PPFIA2: variants seen among roughly 807,000 people sequenced by gnomAD.
PPFIA2 encodes the protein liprin-alpha-2.
In PPFIA2, 46 loss-of-function variants were observed where a neutral mutation model predicts 175.5. The observed-to-expected ratio is 0.26, with a 90% CI of 0.21 to 0.34. PPFIA2 has a LOEUF of 0.34. PPFIA2 is among the 10% of genes least tolerant of loss of function. The pLI is 1.00. For synonymous variants in PPFIA2, 568 were observed against 511.4 expected (o/e 1.11, Z -1.49); for missense variants, 1,179 against 1,506.1 (o/e 0.78, Z 3.60).
In PPFIA2 at chr12:81,694,617, G is replaced by A. The variant is rs370942139; in HGVS notation, c.250-17773C>T. Among the ~76,000 whole-genome samples the A allele has an allele frequency of 7.9e-5, 12 of 152,290 alleles. No individual in the cohort carries two copies. The East Asian group carries it at 1.2e-3, about 15-fold the overall frequency. On this transcript the variant is annotated intron_variant, in intron 3 of 32. Coordinates refer to ENST00000549396, the MANE Select transcript of PPFIA2 (RefSeq NM_003625.5). Reference sequence around the variant, plus strand: ...GCTGCAGGGGCAGAGTCCCCACAGAGAGCCTCTCCTAGGGAAGCTCCAATG... The same window carrying A: ...GCTGCAGGGGCAGAGTCCCCACAGAAAGCCTCTCCTAGGGAAGCTCCAATG...
chr12:81,555,929 G>A (rs2068775137), intron 4 of PPFIA2, among the ~76,000 whole-genome samples: 2 of 151,866 alleles, frequency 1.3e-5, no homozygotes, highest in South Asian at 4.1e-4. Context: ...CGCCCATCAG[G>A]ATAATTCAGA....
intron 4 of PPFIA2, among the ~76,000 whole-genome samples, chr12:81,510,096 C>A (rs2061610151): frequency 6.6e-6 from 1 of 151,986 alleles, no homozygotes. Context: ...AATTGTATTT[C>A]AGAATCCAAA....
chr12:81,745,010 C>G (rs953191781), intron 3 of PPFIA2, among the ~76,000 whole-genome samples: 1 of 152,122 alleles, frequency 6.6e-6, no homozygotes, highest in Admixed American at 6.6e-5. Context: ...ATACCTCTAC[C>G]CAGTTTAATG....
chr12:81,587,305 A>C (rs141492445), intron 4 of PPFIA2, among the ~76,000 whole-genome samples: 18 of 151,890 alleles, frequency 1.2e-4, no homozygotes, highest in African/African-American at 3.6e-4. Context: ...ATGAGATCTG[A>C]TGGTTTTATA....
chr12:81,568,033 A>G (rs1048559010), intron 4 of PPFIA2, among the ~76,000 whole-genome samples: 1 of 152,216 alleles, frequency 6.6e-6, no homozygotes, highest in African/African-American at 2.4e-5. Flanking sequence ...CATTGCAGTA[A>G]TCATGTTCCT....
chr12:81,446,543 T>C (rs2051303649), intron 5 of PPFIA2, among the ~76,000 whole-genome samples: 1 of 152,210 alleles, frequency 6.6e-6, no homozygotes, highest in South Asian at 2.1e-4. Context: ...CAGAAATTGC[T>C]TGATTATTTT....
intron 4 of PPFIA2, among the ~76,000 whole-genome samples, chr12:81,672,034 CTG>C (rs1389776945): frequency 6.6e-6 from 1 of 151,788 alleles, no homozygotes; most frequent in Non-Finnish European, 1.5e-5. Context: ...AAATGAGTAA[CTG>C]TGTATTGATT....
rs372339925 is a variant in PPFIA2, at chr12:81,325,759, A to G, written c.2642+18T>C. 3 of 1,582,950 alleles carry G rather than the reference A, an allele frequency of 1.9e-6. No homozygotes were observed. Among genetic ancestry groups the G allele is most frequent in the African/African-American group, 2.7e-5 (2 of 74,246 alleles). ...ATTGATAAAAGTTAGAAAAAGAGGG[A>G]AAAATCCCCAAACCTACTTTTTCTT... On this transcript the variant is annotated intron_variant, in intron 22 of 32. Coordinates refer to ENST00000549396, the MANE Select transcript of PPFIA2 (RefSeq NM_003625.5).
At chr12:81,708,210 G>GA (rs917604321) in intron 3 of PPFIA2, among the ~76,000 whole-genome samples, 2 of 149,842 alleles carry the variant, frequency 1.3e-5, no homozygotes, top group Non-Finnish European at 3.0e-5. Context: ...TAACAAAATA[G>GA]AAAAAAAAAG....
At chr12:81,602,334 G>C (rs1337308061) in intron 4 of PPFIA2, among the ~76,000 whole-genome samples, 2 of 151,668 alleles carry the variant, frequency 1.3e-5, no homozygotes, top group Non-Finnish European at 2.9e-5. Flanking sequence ...ACTAGCTTAT[G>C]TTTCAATTCA....
intron 3 of PPFIA2, among the ~76,000 whole-genome samples, chr12:81,719,667 A>G (rs1474276000): frequency 6.6e-6 from 1 of 151,576 alleles, no homozygotes; most frequent in Admixed American, 6.6e-5. Flanking sequence ...TATAATTAAA[A>G]CAGCATTGAA....
chr12:81,491,280 T>C (rs2059391013), intron 4 of PPFIA2, among the ~76,000 whole-genome samples: 1 of 151,966 alleles, frequency 6.6e-6, no homozygotes, highest in African/African-American at 2.4e-5. Flanking sequence ...TCAAACCTTC[T>C]TATATTTAAT....
At chr12:81,721,076 T>TAA (rs529352181) in intron 3 of PPFIA2, among the ~76,000 whole-genome samples, 5 of 115,874 alleles carry the variant, frequency 4.3e-5, no homozygotes, top group Admixed American at 8.9e-5. Context: ...GCGTCCTAGC[T>TAA]AAAAAAAAAA....
chr12:81,513,849 G>A (rs747573286), intron 4 of PPFIA2, among the ~76,000 whole-genome samples: 8 of 151,914 alleles, frequency 5.3e-5, no homozygotes, highest in Non-Finnish European at 7.4e-5. Context: ...ATTATGAAGT[G>A]AATCCAGATT....
rs889263770 is a variant in PPFIA2, at chr12:81,384,055, T to C, written c.952A>G (p.Met318Val). ...ATGTCCCTTTGATACTTGGTGTTCA[T>C]TTCTTCTGTTTTAATGAGATCCTTT... ...ARKDLIKTEEMNTKYQRDIRE... is the reference protein window; with the variant it reads ...ARKDLIKTEEVNTKYQRDIRE... The change falls in exon 9 of 33, where the codon ATG becomes GTG. Residue 318 changes from methionine (M) to valine (V), a missense_variant. Met to Val is a conservative substitution (Grantham distance 21). This residue lies in a region of PPFIA2 where 226 missense variants were observed against 216.6 expected (regional missense o/e 1.04). Transcript: ENST00000549396. The C allele has an allele frequency of 1.9e-6, 3 of 1,612,694 alleles. No homozygotes were observed. The highest frequency in any genetic ancestry group is 2.5e-6 in the Non-Finnish European group (3 of 1,179,204).
chr12:81,743,577 T>C (rs947000452), intron 3 of PPFIA2, among the ~76,000 whole-genome samples: 15 of 151,756 alleles, frequency 9.9e-5, no homozygotes, highest in Admixed American at 8.5e-4. Flanking sequence ...TATAATTTAT[T>C]AGAGATGGAC....
At chr12:81,525,979 A>AAT (rs1555455896) in intron 4 of PPFIA2, among the ~76,000 whole-genome samples, 1 of 152,214 alleles carries the variant, frequency 6.6e-6, no homozygotes, top group East Asian at 1.9e-4. Context: ...GTTAAAAAAA[A>AAT]ATATAAAATT....
intron 4 of PPFIA2, among the ~76,000 whole-genome samples, chr12:81,469,993 T>C (rs1031224309): frequency 5.3e-5 from 8 of 152,202 alleles, no homozygotes; most frequent in South Asian, 2.1e-4. Flanking sequence ...GAAACTCTGA[T>C]CTCAGGTTTC....
At chr12:81,347,452 G>C in intron 18 of PPFIA2, 81 bp downstream of exon 18, 1 of 1,206,760 alleles carries the variant, frequency 8.3e-7, no homozygotes, top group Non-Finnish European at 1.2e-6. Flanking sequence ...ACTTAGACTA[G>C]AACAAACACC....
Sources: allele counts gnomAD v4.1 joint callset (sites outside exome capture counted in the v4.1 genomes callset), GRCh38; gene constraint gnomAD v4.1.1; regional missense constraint gnomAD v4.1.1; transcripts MANE v1.5; gene names NCBI Gene and HGNC (gene_info 2026-07-23, HGNC 2026-07-21).